GLRA2: variants seen among roughly 807,000 people sequenced by gnomAD.
GLRA2 encodes glycine receptor subunit alpha-2.
In GLRA2, 11 loss-of-function variants were observed where a neutral mutation model predicts 31.6. The observed-to-expected ratio is 0.35, with a 90% confidence interval of 0.22 to 0.58. The LOEUF is 0.58. Ranked by LOEUF, GLRA2 falls within the 20% of genes least tolerant of loss-of-function variation. The pLI, the probability that GLRA2 is intolerant of heterozygous loss-of-function variation, is 0.84. For missense variants in GLRA2, 212 were observed against 351.8 expected (o/e 0.60, Z 3.18); for synonymous variants, 132 against 134.0 (o/e 0.99, Z 0.10).
intron 2 of GLRA2, among the ~76,000 whole-genome samples, chrX:14,536,645 C>G (rs929070579): frequency 5.4e-5 from 6 of 111,474 alleles, no homozygotes; most frequent in Non-Finnish European, 7.6e-5. Context: ...ATGGAATTAT[C>G]TGGATTATCT....
At chrX:14,521,790 T>C in the GLRA2 span, among the ~76,000 whole-genome samples, 1 of 112,537 alleles carries the variant, frequency 8.9e-6, no homozygotes, top group South Asian at 3.6e-4. Flanking sequence ...TTATGTTTAG[T>C]GTATTAAGGT....
At chrX:14,488,877 G>A in the GLRA2 span, among the ~76,000 whole-genome samples, 1 of 111,135 alleles carries the variant, frequency 9.0e-6, no homozygotes, top group Non-Finnish European at 1.9e-5. Context: ...AACAAGCCCA[G>A]GTTTGTTTTT....
At chrX:14,508,465 G>C in the GLRA2 span, among the ~76,000 whole-genome samples, 3 of 112,006 alleles carry the variant, frequency 2.7e-5, no homozygotes, top group African/African-American at 9.7e-5. Context: ...GGCATTTGGA[G>C]CACAGACTTC....
At chrX:14,503,191 A>G in the GLRA2 span, among the ~76,000 whole-genome samples, 1 of 111,721 alleles carries the variant, frequency 9.0e-6, no homozygotes, top group Non-Finnish European at 1.9e-5. Context: ...TCTAGGGCAC[A>G]CTACAGAACA....
At chrX:14,690,139 A>T (rs1217522445) in intron 7 of GLRA2, among the ~76,000 whole-genome samples, 1 of 111,778 alleles carries the variant, frequency 8.9e-6, no homozygotes, top group Non-Finnish European at 1.9e-5. Flanking sequence ...GGCCATATAT[A>T]GTTTATTTCT....
chrX:14,517,337 A>G, the GLRA2 span, among the ~76,000 whole-genome samples: 1 of 112,266 alleles, frequency 8.9e-6, no homozygotes, highest in Non-Finnish European at 1.9e-5. Context: ...GTATTAGTCC[A>G]TTCTCATGCT....
chrX:14,623,556 T>G (rs910653021), intron 7 of GLRA2, among the ~76,000 whole-genome samples: 1 of 111,827 alleles, frequency 8.9e-6, no homozygotes, highest in Non-Finnish European at 1.9e-5. Context: ...GTTTTTAGCA[T>G]GAAGGGCCAT....
intron 7 of GLRA2, among the ~76,000 whole-genome samples, chrX:14,689,058 G>A (rs2091312823): frequency 8.9e-6 from 1 of 112,168 alleles, no homozygotes; most frequent in Admixed American, 9.4e-5. Flanking sequence ...AATAGAGGCA[G>A]AGAGAGGTTA....
chrX:14,625,979 G>A (rs1031566000), intron 7 of GLRA2, among the ~76,000 whole-genome samples: 9 of 111,776 alleles, frequency 8.1e-5, no homozygotes, highest in South Asian at 3.7e-4. Context: ...GCTAGATCTC[G>A]AACCCAGGCA....
chrX:14,458,174 A>C, the GLRA2 span, among the ~76,000 whole-genome samples: 1 of 110,763 alleles, frequency 9.0e-6, no homozygotes, highest in South Asian at 3.9e-4. Context: ...TTCCAGCTTC[A>C]TCCATGTCCC....
At chrX:14,527,617 A>G (rs770056895), upstream of GLRA2, among the ~76,000 whole-genome samples, 17 of 102,832 alleles carry the variant, frequency 1.7e-4, no homozygotes, top group East Asian at 1.8e-3. Flanking sequence ...CCATCTCGGG[A>G]AAAAAAAAAA....
intron 8 of GLRA2, among the ~76,000 whole-genome samples, chrX:14,721,580 G>C (rs1326418390): frequency 9.0e-6 from 1 of 111,448 alleles, no homozygotes; most frequent in Non-Finnish European, 1.9e-5. Flanking sequence ...AAGACCTATT[G>C]CCTGTCTGAA....
chrX:14,625,866 A>C lies in GLRA2; in HGVS notation c.930+16661A>C, dbSNP rs6628370. On this transcript the variant is annotated intron_variant, in intron 7 of 8. Transcript: ENST00000218075. ...ATTTAAAGTTCACATCAACCCAACG[A>C]AGTAGGTACTATTATTATCCCTACT... 1.3e-4 allele frequency among the ~76,000 whole-genome samples: 14 copies of C among 111,684 alleles called. No individual in the cohort carries two copies. The East Asian group carries it at 2.5e-3, about 20-fold the overall frequency.
At chrX:14,670,627 C>T (rs950517723) in intron 7 of GLRA2, among the ~76,000 whole-genome samples, 13 of 110,880 alleles carry the variant, frequency 1.2e-4, no homozygotes, top group Admixed American at 5.8e-4. Context: ...CCAGATCTCG[C>T]GAGACTTATT....
chrX:14,465,988 C>T, the GLRA2 span, among the ~76,000 whole-genome samples: 2,511 of 111,895 alleles, frequency 0.022, 65 homozygotes, highest in African/African-American at 0.078. Context: ...AATGGGCTTA[C>T]GTACTTGTTC....
intron 2 of GLRA2, among the ~76,000 whole-genome samples, chrX:14,560,145 A>C (rs113457788): frequency 1.6e-3 from 177 of 112,547 alleles, no homozygotes; most frequent in Non-Finnish European, 2.3e-3. Flanking sequence ...ATGCTAGACA[A>C]AATCTTTTTA....
intron 8 of GLRA2, among the ~76,000 whole-genome samples, chrX:14,714,401 C>A (rs932052421): frequency 9.0e-6 from 1 of 111,412 alleles, no homozygotes; most frequent in African/African-American, 3.3e-5. Context: ...TATCTAGCCC[C>A]AAGTATCAAT....
the GLRA2 span, among the ~76,000 whole-genome samples, chrX:14,493,626 T>TATACACTTATATACAC: frequency 9.9e-6 from 1 of 101,330 alleles, no homozygotes; most frequent in African/African-American, 3.6e-5. Context: ...TATATACACA[T>TATACACTTATATACAC]ATATACATAT....
the GLRA2 span, among the ~76,000 whole-genome samples, chrX:14,473,196 T>G: frequency 1.8e-5 from 2 of 111,596 alleles, no homozygotes; most frequent in Non-Finnish European, 3.8e-5. Context: ...TGGGAACACA[T>G]GTTTGACCTC....
Sources: allele counts gnomAD v4.1 joint callset (sites outside exome capture counted in the v4.1 genomes callset), GRCh38; gene constraint gnomAD v4.1.1; transcripts MANE v1.5; gene names NCBI Gene and HGNC (gene_info 2026-07-23, HGNC 2026-07-21).